The following TREML1 variants were observed in gnomAD, a reference collection of about 807,000 sequenced individuals.
The protein encoded by TREML1 is trem-like transcript 1 protein.
TREML1 carries 27 observed loss-of-function variants against 22.8 expected under a neutral mutation model. That is an observed-to-expected ratio of 1.19 (90% confidence interval 0.87 to 1.64). TREML1 has a LOEUF of 1.64. Among genes scored for constraint, TREML1 ranks in the 40% most tolerant of loss-of-function variants. The pLI is 0.00. For synonymous variants in TREML1, 153 were observed against 161.9 expected, an observed-to-expected ratio of 0.94 and a Z score of 0.42; for missense variants, 356 against 382.0, an observed-to-expected ratio of 0.93 and a Z score of 0.57.
chr6:41,149,488 G>T lies in TREML1; in HGVS notation c.*116C>A. On this transcript the variant is annotated 3_prime_UTR_variant, in exon 6 of 6. Transcript: ENST00000426005. ...CTAGTAAAGTTAGGACATTGGATTA[G>T]ATCTTAAAGTCCCTGGTTGCTCAGA... 8.7e-7 allele frequency: 1 copy of T among 1,146,324 alleles called. No individual in the cohort carries two copies. Among genetic ancestry groups the T allele is most frequent in the Non-Finnish European group, 1.2e-6 (1 of 800,768 alleles). The allele number at this position is 1,146,324 out of a possible 1,614,324, so 71.0% of individuals were successfully genotyped here.
chr6:41,153,998 T>C lies in TREML1; in HGVS notation c.136A>G (p.Lys46Glu), dbSNP rs766783715. Residue 46 changes from lysine to glutamate, a missense_variant, in exon 2 of 6, where the codon AAA becomes GAA. Physicochemically the swap from Lys to Glu is moderately conservative, Grantham distance 56 (BLOSUM62 1). Coordinates refer to ENST00000426005, the MANE Select transcript of TREML1 (RefSeq NM_178174.4). ...VQCHYRLQDV[K>E]AQKVWCRFLP... ...AACCGGCACCACACCTTCTGAGCTT[T>C]GACATCCTGGAGCCTGTAGTGGCAC... The C allele has an allele frequency of 6.2e-7, 1 of 1,614,126 alleles. No homozygotes were observed. Among genetic ancestry groups the C allele is most frequent in the Non-Finnish European group, 8.5e-7 (1 of 1,180,028 alleles).
chr6:41,151,464 G>T, intron 2 of TREML1, 80 bp from the exon 3 acceptor site: 3 of 1,309,674 alleles, frequency 2.3e-6, no homozygotes, highest in South Asian at 1.2e-5. Flanking sequence ...ATCCTGTTGA[G>T]GTCTGAGGGA....
chr6:41,154,415 G>A (rs1765370035), upstream of TREML1: 1 of 767,716 alleles, frequency 1.3e-6, no homozygotes, highest in African/African-American at 1.7e-5. Flanking sequence ...GGCACCTCCA[G>A]GGGTGGGGAA....
rs1259179894 is a variant in TREML1 at position 41,149,576 on chromosome 6, C to G, written c.*28G>C. On this transcript the variant is annotated 3_prime_UTR_variant, in exon 6 of 6. Coordinates refer to ENST00000426005, the MANE Select transcript of TREML1 (RefSeq NM_178174.4). ...ATGCACAGAACCCCTAGGGATGGTC[C>G]TCATGAGTTTAAAGTGTGATGAGCA... The G allele has an allele frequency of 2.5e-6, 4 of 1,585,742 alleles. No individual in the cohort carries two copies. The highest frequency in any genetic ancestry group is 3.4e-6 in the Non-Finnish European group (4 of 1,163,764).
Position 41,153,828 on chromosome 6 carries a change from A to G in TREML1, c.306T>C (p.Tyr102=), listed in dbSNP as rs760171525. 1 of 1,614,138 alleles carries G rather than the reference A, an allele frequency of 6.2e-7. No homozygotes were observed. The highest frequency in any genetic ancestry group is 8.5e-7 in the Non-Finnish European group (1 of 1,179,984). Residue 102 remains tyrosine, a synonymous_variant, in exon 2 of 6, where the codon TAT becomes TAC. Coordinates refer to ENST00000426005, the MANE Select transcript of TREML1 (RefSeq NM_178174.4). ...VTLQEEDAGE[Y]GCMVDGARGP... is the part of the protein sequence containing the mutation. ...CCCTGGCCCCATCCACCATGCAGCC[A>G]TACTCGCCAGCATCCTCTTCCTGCA...
In TREML1 at chr6:41,150,308, T is replaced by G; in HGVS notation, c.574A>C (p.Arg192=). 2 of 1,614,020 alleles carry G rather than the reference T, an allele frequency of 1.2e-6. No individual in the cohort carries two copies. Among genetic ancestry groups the G allele is most frequent in the African/African-American group, 2.7e-5 (2 of 75,024 alleles). ...AGGAATCGGCCACAGACACCAAGCC[T>G]GTTCCCTGGCAGGACAGACAACAGC... ...AVMAKRKQGN[R]LGVCGRFLSS... is the part of the protein sequence containing the mutation. The change falls in exon 5 of 6, where the codon AGG becomes CGG. Residue 192 remains arginine, a synonymous_variant. Transcript: ENST00000426005.
chr6:41,151,389 C>T lies in TREML1; in HGVS notation c.377-5G>A. 2 of 1,613,556 alleles carry T rather than the reference C, an allele frequency of 1.2e-6. No individual in the cohort carries two copies. Among genetic ancestry groups the T allele is most frequent in the South Asian group, 2.2e-5 (2 of 91,074 alleles). On this transcript the variant is annotated splice_polypyrimidine_tract_variant and splice_region_variant and intron_variant, in intron 2 of 5. Transcript: ENST00000426005. ...TATGGGTCTCTTCTTCTTCCTCTGT[C>T]AGGCCAGGAATGGAGTCAGAAGGAA...
chr6:41,150,699 G>A (rs1006427142), intron 4 of TREML1, 120 bp downstream of exon 4: 14 of 887,740 alleles, frequency 1.6e-5, no homozygotes, highest in Non-Finnish European at 2.4e-5. Context: ...GGGGCCTTGA[G>A]ACTTAAGCCC....
rs527773662 is a variant in TREML1 at position 41,151,599 on chromosome 6, A to G, written c.377-215T>C. The G allele has an allele frequency of 1.0e-3, 569 of 557,858 alleles. 2 individuals carry two copies. Among genetic ancestry groups the G allele is most frequent in the South Asian group, 1.3e-3 (60 of 46,814 alleles). The allele number at this position is 557,858 out of a possible 1,614,324, so 34.6% of individuals were successfully genotyped here. Reference sequence around the variant, plus strand: ...AATGGCACTGGCTCTTTATGTCTTTACCTGGTTGTGACTACACCCACTTTT... The same window carrying G: ...AATGGCACTGGCTCTTTATGTCTTTGCCTGGTTGTGACTACACCCACTTTT... On this transcript the variant is annotated intron_variant, in intron 2 of 5. Transcript: ENST00000426005.
chr6:41,151,081 G>C (rs928361534), intron 3 of TREML1, among the ~76,000 whole-genome samples, 174 bp from the exon 4 acceptor site: 4 of 152,190 alleles, frequency 2.6e-5, no homozygotes, highest in Non-Finnish European at 5.9e-5. Context: ...AAGGTATCCT[G>C]GCTGAAGAAT....
At chr6:41,150,735 G>A in intron 4 of TREML1, 84 bp downstream of exon 4, 1 of 1,236,288 alleles carries the variant, frequency 8.1e-7, no homozygotes, top group Non-Finnish European at 1.2e-6. Context: ...TAGGGGGATT[G>A]GACCTAGACT....
chr6:41,151,633 C>T, intron 2 of TREML1: 1 of 504,686 alleles, frequency 2.0e-6, no homozygotes, highest in Non-Finnish European at 3.6e-6. Context: ...TTCCCTCTAC[C>T]ACCAGCTCCC....
chr6:41,151,569 C>G (rs933413802), intron 2 of TREML1, 185 bp from the exon 3 acceptor site: 10 of 590,622 alleles, frequency 1.7e-5, no homozygotes, highest in Non-Finnish European at 2.7e-5. Flanking sequence ...CTCCACAGAT[C>G]AGGAAATGGC....
At position 41,153,753 on chromosome 6, in the gene TREML1, C is replaced by T. The variant is rs1261268389; in HGVS notation, c.376+5G>A. 6.9e-6 allele frequency: 11 copies of T among 1,594,520 alleles called. 1 individual carries two copies. The South Asian group carries it at 1.1e-4, about 16-fold the overall frequency. ...AGGGGTGGTAGCTGGCCTAGGATAA[C>T]TCACCTGGGGGCAGTATGTTCAGAG... On this transcript the variant is annotated splice_donor_5th_base_variant and intron_variant, in intron 2 of 5. Transcript: ENST00000426005.
At chr6:41,153,568 T>G (rs749005991) in intron 2 of TREML1, among the ~76,000 whole-genome samples, 190 bp downstream of exon 2, 1 of 151,752 alleles carries the variant, frequency 6.6e-6, no homozygotes, top group Non-Finnish European at 1.5e-5. Context: ...AAAGGGATGG[T>G]TTTCAGCTGA....
intron 2 of TREML1, among the ~76,000 whole-genome samples, chr6:41,152,814 A>C (rs552962378): frequency 1.3e-5 from 2 of 152,290 alleles, no homozygotes; most frequent in South Asian, 4.1e-4. Flanking sequence ...CCAAGGTTGC[A>C]GTGAGCCGAT....
chr6:41,150,477 G>A (rs1016548506), intron 4 of TREML1, among the ~76,000 whole-genome samples, 164 bp from the exon 5 acceptor site: 1 of 151,642 alleles, frequency 6.6e-6, no homozygotes. Flanking sequence ...CCAGCCTGCC[G>A]TAAATCTCCC....
intron 1 of TREML1, 74 bp from the exon 2 acceptor site, chr6:41,154,164 G>T: frequency 6.3e-7 from 1 of 1,588,212 alleles, no homozygotes; most frequent in Non-Finnish European, 8.6e-7. Flanking sequence ...TGGTATGGGT[G>T]TGGCATTCAC....
In TREML1 at chr6:41,149,361, G is replaced by T; in HGVS notation, c.*243C>A. The T allele has an allele frequency of 2.2e-6, 1 of 459,282 alleles. No homozygotes were observed. The highest frequency in any genetic ancestry group is 3.9e-6 in the Non-Finnish European group (1 of 257,690). 28.5% of individuals were successfully genotyped at this position (459,282 alleles called of 1,614,324 possible). On this transcript the variant is annotated 3_prime_UTR_variant, in exon 6 of 6. Transcript: ENST00000426005. ...TAAGAGTTTGCACATCATTATTAGG[G>T]TTTATTTAGCCCAGTGTGTAATGGT...
Sources: gnomAD v4.1 joint callset for allele counts (sites outside exome capture counted in the v4.1 genomes callset) on GRCh38, gnomAD v4.1.1 for gene constraint, MANE v1.5 for transcripts, NCBI Gene and HGNC (gene_info 2026-07-23, HGNC 2026-07-21) for gene names.